The following AGBL4 variants were observed in gnomAD, a reference collection of about 807,000 sequenced individuals.
AGBL4 encodes AGBL carboxypeptidase 4, also known as cytosolic carboxypeptidase 6.
Under a neutral mutation model 66.4 loss-of-function variants are expected in AGBL4, and 58 were observed. That is an observed-to-expected ratio of 0.87 (90% CI 0.71 to 1.09). AGBL4 has a LOEUF of 1.09. AGBL4 is among the 50% of genes least tolerant of loss of function. The probability of loss-of-function intolerance (pLI) is 0.00; values close to 1 mark genes in which losing one functional copy is unlikely to be tolerated. For missense variants in AGBL4, 579 were observed against 631.0 expected, an observed-to-expected ratio of 0.92 and a Z score of 0.88; for synonymous variants, 234 against 222.9, an observed-to-expected ratio of 1.05 and a Z score of -0.44.
At chr1:48,609,275 C>T (rs1645200387) in intron 9 of AGBL4, among the ~76,000 whole-genome samples, 2 of 152,204 alleles carry the variant, frequency 1.3e-5, no homozygotes, top group Admixed American at 1.3e-4. Flanking sequence ...ACTTCTGTTA[C>T]TCTCCTGAAG....
intron 6 of AGBL4, among the ~76,000 whole-genome samples, chr1:48,735,612 C>A (rs1648915018): frequency 6.6e-6 from 1 of 152,006 alleles, no homozygotes; most frequent in African/African-American, 2.4e-5. Context: ...TTTAGGGAGA[C>A]AAATGACTCC....
chr1:49,810,161 T>C (rs1254775111), intron 2 of AGBL4, among the ~76,000 whole-genome samples: 1 of 152,134 alleles, frequency 6.6e-6, no homozygotes, highest in South Asian at 2.1e-4. Flanking sequence ...GAGGCTCAGC[T>C]AAGTACCAGA....
intron 4 of AGBL4, among the ~76,000 whole-genome samples, chr1:49,047,318 G>A (rs1185216187): frequency 6.6e-6 from 1 of 152,152 alleles, no homozygotes; most frequent in East Asian, 1.9e-4. Context: ...AAGACAGGAT[G>A]ATAGATATGC....
In AGBL4 at chr1:48,736,687, A is replaced by C. The variant is rs545123879; in HGVS notation, c.635-73446T>G. Among the ~76,000 whole-genome samples, 92 of 152,286 alleles carry C rather than the reference A, an allele frequency of 6.0e-4. No homozygotes were observed. Among genetic ancestry groups the C allele is most frequent in the African/African-American group, 2.2e-3 (91 of 41,556 alleles). On this transcript the variant is annotated intron_variant, in intron 6 of 13. Transcript: ENST00000371839. The surrounding 1 kb of genome is among the most constrained non-coding windows in gnomAD (Gnocchi z 4.0). ...TCTTAAATCTTCATGGCAATTGTGG[A>C]TAGAAGGCATTATAACACCATTTTC...
chr1:49,125,678 C>A (rs567830073), intron 4 of AGBL4, among the ~76,000 whole-genome samples: 223 of 152,242 alleles, frequency 1.5e-3, no homozygotes, highest in South Asian at 7.9e-3. Context: ...CTTTCCCCTA[C>A]CCATTTAATT....
intron 3 of AGBL4, among the ~76,000 whole-genome samples, chr1:49,486,331 T>G (rs1647066422): frequency 6.6e-6 from 1 of 152,010 alleles, no homozygotes; most frequent in Non-Finnish European, 1.5e-5. Context: ...ATCAACAACT[T>G]AATAAGTTCA....
At chr1:49,794,655 C>A (rs1185674425) in intron 2 of AGBL4, among the ~76,000 whole-genome samples, 2 of 151,906 alleles carry the variant, frequency 1.3e-5, no homozygotes, top group Admixed American at 1.3e-4. Flanking sequence ...ACAAATTTTT[C>A]TCTCCCCAAC....
At chr1:49,555,824 A>G (rs975267402) in intron 3 of AGBL4, among the ~76,000 whole-genome samples, 1 of 152,132 alleles carries the variant, frequency 6.6e-6, no homozygotes, top group African/African-American at 2.4e-5. Context: ...CAAAACCACA[A>G]TGAGATATCA....
At chr1:49,117,413 G>T (rs1041617667) in intron 4 of AGBL4, among the ~76,000 whole-genome samples, 6 of 152,108 alleles carry the variant, frequency 3.9e-5, no homozygotes, top group Non-Finnish European at 8.8e-5. Flanking sequence ...GTAAGGAGGG[G>T]ATCCAGTTTC....
chr1:49,275,331 A>C (rs1644146968), intron 3 of AGBL4, among the ~76,000 whole-genome samples: 1 of 152,114 alleles, frequency 6.6e-6, no homozygotes, highest in African/African-American at 2.4e-5. Context: ...TTGGGGCCTC[A>C]AAAAGAGAGA....
chr1:49,195,556 T>A (rs1378637503), intron 4 of AGBL4, among the ~76,000 whole-genome samples: 2 of 152,176 alleles, frequency 1.3e-5, no homozygotes, highest in East Asian at 1.9e-4. Context: ...TATTGGTGAC[T>A]AGATGCTTTT....
At chr1:49,260,788 AT>A (rs931441282) in intron 3 of AGBL4, among the ~76,000 whole-genome samples, 6 of 152,118 alleles carry the variant, frequency 3.9e-5, no homozygotes, top group Admixed American at 3.3e-4. Flanking sequence ...AAAAGAGGGA[AT>A]CCTCCCTAAC....
intron 3 of AGBL4, among the ~76,000 whole-genome samples, chr1:49,481,561 T>C (rs536222242): frequency 4.6e-5 from 7 of 152,196 alleles, no homozygotes; most frequent in East Asian, 3.9e-4. Context: ...TAGGATCATG[T>C]CATCTGCAAA....
At chr1:49,770,774 T>C (rs914383021) in intron 2 of AGBL4, among the ~76,000 whole-genome samples, 2 of 152,192 alleles carry the variant, frequency 1.3e-5, no homozygotes, top group African/African-American at 4.8e-5. Context: ...ATTCATTTCG[T>C]CTAAGTTCTC....
chr1:49,521,736 A>G (rs574459736), intron 3 of AGBL4, among the ~76,000 whole-genome samples: 2 of 152,280 alleles, frequency 1.3e-5, no homozygotes, highest in Admixed American at 6.5e-5. Context: ...ATCATTTTGA[A>G]CATCAGTCTT....
At chr1:48,568,698 T>C (rs1167278161) in intron 11 of AGBL4, among the ~76,000 whole-genome samples, 1 of 152,320 alleles carries the variant, frequency 6.6e-6, no homozygotes. Context: ...TGTTGTGTCA[T>C]GTCTCTGGGC....
At chr1:49,220,883 G>T (rs780176882) in intron 4 of AGBL4, among the ~76,000 whole-genome samples, 1 of 152,118 alleles carries the variant, frequency 6.6e-6, no homozygotes, top group Non-Finnish European at 1.5e-5. Context: ...GAAAAGCATG[G>T]AATGGAGATC....
intron 4 of AGBL4, among the ~76,000 whole-genome samples, chr1:49,212,102 A>G (rs1229072780): frequency 3.3e-5 from 5 of 152,132 alleles, no homozygotes; most frequent in Admixed American, 1.3e-4. Flanking sequence ...TGTAGTCTGG[A>G]TATGGAAACA....
intron 3 of AGBL4, among the ~76,000 whole-genome samples, chr1:49,546,724 A>G (rs1333203636): frequency 6.6e-6 from 1 of 152,094 alleles, no homozygotes; most frequent in Non-Finnish European, 1.5e-5. Flanking sequence ...GTGGTATCGC[A>G]TTGTGGTTTT....
Sources: allele counts gnomAD v4.1 joint callset (sites outside exome capture counted in the v4.1 genomes callset), GRCh38; gene constraint gnomAD v4.1.1; non-coding constraint Gnocchi (gnomAD v3.1); transcripts MANE v1.5; gene names NCBI Gene and HGNC (gene_info 2026-07-23, HGNC 2026-07-21).